The following IPPK variants were observed in gnomAD, a reference collection of about 807,000 sequenced individuals.
The protein encoded by IPPK is IPK1 homolog.
IPPK carries 22 observed loss-of-function variants against 64.6 expected under a neutral mutation model. The ratio of observed to expected loss-of-function variants is 0.34; its 90% CI spans 0.24 to 0.49. The LOEUF (loss-of-function observed/expected upper bound fraction) is 0.49, where lower values mean the gene tolerates loss of function less well. Ranked by LOEUF, IPPK falls within the 20% of genes least tolerant of loss-of-function variation. IPPK has a pLI of 0.99. For synonymous variants in IPPK, 262 were observed against 247.2 expected (o/e 1.06, Z -0.56); for missense variants, 532 against 630.7 (o/e 0.84, Z 1.68).
chr9:92,635,706 TTTTC>T lies in IPPK; in HGVS notation c.917-402_917-399del, dbSNP rs965429620. ...TAAGTCAGGTCACAAAATTTCTTCT[TTTTC>T]TTTTCTTTTTTTTTTTTGAGACAGA... On this transcript the variant is annotated intron_variant, in intron 9 of 12. Transcript: ENST00000287996. The surrounding 1 kb of genome is among the most constrained non-coding windows in gnomAD (Gnocchi z 4.4). 1.3e-5 allele frequency among the ~76,000 whole-genome samples: 2 copies of T among 152,102 alleles called. No homozygotes were observed. Among genetic ancestry groups the T allele is most frequent in the Non-Finnish European group, 2.9e-5 (2 of 67,986 alleles).
chr9:92,642,729 G>A, intron 7 of IPPK, 23 bp downstream of exon 7: 1 of 1,609,756 alleles, frequency 6.2e-7, no homozygotes, highest in Non-Finnish European at 8.5e-7. Flanking sequence ...ACACAAGGGG[G>A]CAAAGGAGAA....
chr9:92,619,670 GA>G (rs1851562167), intron 11 of IPPK, 105 bp from the exon 12 acceptor site: 2 of 1,035,544 alleles, frequency 1.9e-6, no homozygotes, highest in Non-Finnish European at 1.5e-6. Context: ...TCCTGCCTCA[GA>G]ACCTGAGGGT....
At chr9:92,623,577 C>CA (rs968352942) in intron 11 of IPPK, among the ~76,000 whole-genome samples, 8 of 151,468 alleles carry the variant, frequency 5.3e-5, no homozygotes, top group Non-Finnish European at 8.8e-5. Context: ...ACAACTCTAC[C>CA]AAAAAAAATG....
chr9:92,659,177 TATTTA>T (rs1852431757), intron 1 of IPPK, among the ~76,000 whole-genome samples: 2 of 152,330 alleles, frequency 1.3e-5, no homozygotes, highest in Non-Finnish European at 1.5e-5. Context: ...GGTGTAATTC[TATTTA>T]TATAAAGTTC....
intron 12 of IPPK, chr9:92,616,469 T>C (rs1851439920): frequency 6.2e-6 from 1 of 161,642 alleles, no homozygotes; most frequent in Non-Finnish European, 1.4e-5. Flanking sequence ...GAGCCAAGTA[T>C]TACAAAACCC....
intron 3 of IPPK, 99 bp downstream of exon 3, chr9:92,656,357 G>T: frequency 1.3e-6 from 1 of 778,422 alleles, no homozygotes; most frequent in Non-Finnish European, 2.3e-6. Context: ...AGCTGGACGC[G>T]GGTTATCATT....
At chr9:92,654,623 C>G (rs1353424776) in intron 3 of IPPK, among the ~76,000 whole-genome samples, 1 of 152,222 alleles carries the variant, frequency 6.6e-6, no homozygotes, top group Non-Finnish European at 1.5e-5. Context: ...CACCAACCAG[C>G]TCTTGCACAA....
At position 92,638,127 on chromosome 9, in the gene IPPK, C is replaced by T. The variant is rs1391968861; in HGVS notation, c.790G>A (p.Val264Met). 1 of 1,614,058 alleles carries T rather than the reference C, an allele frequency of 6.2e-7. No homozygotes were observed. The highest frequency in any genetic ancestry group is 1.3e-5 in the African/African-American group (1 of 74,940). The part of the protein sequence containing the change: ...TRAVIRELVH[V>M]ITRVLLSGSD... ...CCACTCAGCAGCACCCGTGTGATCA[C>T]GTGCACCAGCTCCCTGATCACAGCC... The change falls in exon 9 of 13, where the codon GTG (valine) becomes ATG (methionine). Residue 264 changes from valine to methionine, a missense_variant. Transcript: ENST00000287996.
chr9:92,663,999 A>G (rs1012126316), intron 1 of IPPK, among the ~76,000 whole-genome samples: 23 of 152,236 alleles, frequency 1.5e-4, no homozygotes, highest in African/African-American at 5.3e-4. Flanking sequence ...GGCAGGGGCC[A>G]TGGGGGATCC....
chr9:92,650,328 A>G (rs1166611653), intron 4 of IPPK, among the ~76,000 whole-genome samples: 1 of 151,036 alleles, frequency 6.6e-6, no homozygotes, highest in Non-Finnish European at 1.5e-5. Context: ...CTCCATCTCA[A>G]AAAAAAAAAC....
At chr9:92,647,946 A>C in intron 6 of IPPK, 113 bp downstream of exon 6, 1 of 667,322 alleles carries the variant, frequency 1.5e-6, no homozygotes, top group Non-Finnish European at 2.6e-6. Context: ...TAAAATGTCA[A>C]CTAAAAATAT....
In IPPK at chr9:92,649,585, G is replaced by C; in HGVS notation, c.293-11C>G. On this transcript the variant is annotated splice_polypyrimidine_tract_variant and intron_variant, in intron 4 of 12. Coordinates refer to ENST00000287996, the MANE Select transcript of IPPK (RefSeq NM_022755.6). Reference sequence around the variant, plus strand: ...TGTCACAGCGAGACTCTGGAAAACAGAGCAAGGGTCACACAGAGCAAGGTC... The same window carrying C: ...TGTCACAGCGAGACTCTGGAAAACACAGCAAGGGTCACACAGAGCAAGGTC... 1 of 1,613,766 alleles carries C rather than the reference G, an allele frequency of 6.2e-7. No homozygotes were observed. Among genetic ancestry groups the C allele is most frequent in the Non-Finnish European group, 8.5e-7 (1 of 1,179,840 alleles).
At chr9:92,644,402 C>T (rs1852108999) in intron 6 of IPPK, among the ~76,000 whole-genome samples, 1 of 152,166 alleles carries the variant, frequency 6.6e-6, no homozygotes, top group African/African-American at 2.4e-5. Flanking sequence ...AGCTGCCCAG[C>T]AGCCACAGAG....
rs756155747 is a variant in IPPK, at chr9:92,648,165, T to C, written c.415-17A>G. The C allele has an allele frequency of 9.4e-5, 148 of 1,578,462 alleles. No individual in the cohort carries two copies. The highest frequency in any genetic ancestry group is 1.2e-4 in the Non-Finnish European group (134 of 1,150,730). ...ACATTTTGGCTGTAAAATAAACAAA[T>C]AAGGAGGAAAAATATTTAGGAAGAA... is the stretch of plus-strand genomic sequence containing the variant. On this transcript the variant is annotated splice_polypyrimidine_tract_variant and intron_variant, in intron 5 of 12. Transcript: ENST00000287996.
chr9:92,623,107 C>T (rs1004393652), intron 11 of IPPK, among the ~76,000 whole-genome samples: 9 of 152,098 alleles, frequency 5.9e-5, no homozygotes, highest in African/African-American at 1.9e-4. Flanking sequence ...GCTACCTTAA[C>T]ATTATGAACC....
intron 6 of IPPK, 44 bp from the exon 7 acceptor site, chr9:92,642,854 T>G (rs1189106603): frequency 1.4e-6 from 2 of 1,444,848 alleles, no homozygotes; most frequent in East Asian, 2.3e-5. Context: ...CTGGCGCTGG[T>G]GACTGCACTG....
chr9:92,646,648 A>G (rs1390357511), intron 6 of IPPK, among the ~76,000 whole-genome samples: 1 of 152,198 alleles, frequency 6.6e-6, no homozygotes, highest in African/African-American at 2.4e-5. Flanking sequence ...TAAATGAATA[A>G]CCTAACTTTC....
Position 92,613,435 on chromosome 9 carries a change from G to A in IPPK, c.*2397C>T, listed in dbSNP as rs1045703518. 9 of 337,452 alleles carry A rather than the reference G, an allele frequency of 2.7e-5. No individual in the cohort carries two copies. The highest frequency in any genetic ancestry group is 4.6e-5 in the Non-Finnish European group (8 of 175,736). The allele number at this position is 337,452 out of a possible 1,614,324, so 20.9% of individuals were successfully genotyped here. A position where few individuals can be genotyped will look rare whatever the true frequency, so the allele number is the denominator to read the frequency against. On this transcript the variant is annotated 3_prime_UTR_variant, in exon 13 of 13. Coordinates refer to ENST00000287996, the MANE Select transcript of IPPK (RefSeq NM_022755.6). ...TGTGTGTCCTCAGATGTGTGGGGAG[G>A]ATCCATCCCCCACCCACTGCAGCCT...
intron 11 of IPPK, among the ~76,000 whole-genome samples, chr9:92,623,030 GGAAAA>G (rs905122733): frequency 4.5e-4 from 68 of 152,248 alleles, no homozygotes; most frequent in African/African-American, 1.6e-3. Flanking sequence ...AGATATGGCA[GGAAAA>G]TATCTTCAGG....
Sources: gnomAD v4.1 joint callset for allele counts (sites outside exome capture counted in the v4.1 genomes callset) on GRCh38, gnomAD v4.1.1 for gene constraint, Gnocchi (gnomAD v3.1) non-coding constraint, MANE v1.5 for transcripts, NCBI Gene and HGNC (gene_info 2026-07-23, HGNC 2026-07-21) for gene names.